The following FMNL2 variants were observed in gnomAD, a reference collection of about 807,000 sequenced individuals.
FMNL2 encodes the protein formin-like protein 2.
A neutral mutation model predicts 130.2 loss-of-function variants in FMNL2; 51 were observed. That is an observed-to-expected ratio of 0.39 (90% CI 0.31 to 0.49). FMNL2 has a LOEUF of 0.49. Among genes scored for constraint, FMNL2 ranks in the 20% least tolerant of loss-of-function variants. FMNL2 has a pLI of 0.85. For missense variants in FMNL2, 977 were observed against 1,316.2 expected (o/e 0.74, Z 3.99); for synonymous variants, 465 against 467.1 (o/e 1.00, Z 0.06).
chr2:152,406,903 G>A (rs1043098020), intron 1 of FMNL2, among the ~76,000 whole-genome samples: 1 of 152,180 alleles, frequency 6.6e-6, no homozygotes, highest in African/African-American at 2.4e-5. Context: ...GGTATTGAAT[G>A]TGATGAACTG....
chr2:152,375,871 C>CTA lies in FMNL2; in HGVS notation c.117+40152_117+40153insAT, dbSNP rs1296121653. On this transcript the variant is annotated intron_variant, in intron 1 of 25. Coordinates refer to ENST00000288670, the MANE Select transcript of FMNL2 (RefSeq NM_052905.4). Reference sequence around the variant, plus strand: ...TGAAGCTCTCTCTCTCTCTCTCTCTCTCTCTCTATATATATATATATATAT... The same window carrying CTA: ...TGAAGCTCTCTCTCTCTCTCTCTCTCTATCTCTCTATATATATATATATATAT... 7.6e-3 allele frequency among the ~76,000 whole-genome samples: 874 copies of CTA among 114,476 alleles called. 5 individuals carry two copies. Among genetic ancestry groups the CTA allele is most frequent in the African/African-American group, 0.022 (659 of 30,518 alleles). The allele number at this position is 114,476 out of a possible 152,430, so 75.1% of individuals were successfully genotyped here.
intron 9 of FMNL2, among the ~76,000 whole-genome samples, chr2:152,593,860 A>AGAGAGAGAGT (rs1365489869): frequency 4.4e-5 from 5 of 113,292 alleles, no homozygotes; most frequent in Admixed American, 1.1e-4. Flanking sequence ...AGAGAGAGAG[A>AGAGAGAGAGT]GTGTGTGTGT....
At chr2:152,537,667 C>A (rs1262172725) in intron 2 of FMNL2, among the ~76,000 whole-genome samples, 1 of 152,066 alleles carries the variant, frequency 6.6e-6, no homozygotes, top group Non-Finnish European at 1.5e-5. Context: ...AAGTTTAATT[C>A]TTTGAACATT....
rs1478011081 is a variant in FMNL2 at position 152,463,466 on chromosome 2, C to G, written c.118-58477C>G. On this transcript the variant is annotated intron_variant, in intron 1 of 25. Transcript: ENST00000288670. ...TTCAAAGCCTATGGTATTATCTGCT[C>G]CAGAGAACTAAATCATACCCTTGTG... Among the ~76,000 whole-genome samples the G allele has an allele frequency of 1.0e-3, 159 of 152,234 alleles. 4 individuals are homozygous for G. The highest frequency in any genetic ancestry group is 5.9e-5 in the Non-Finnish European group (4 of 68,014).
chr2:152,346,394 C>G (rs1474687822), intron 1 of FMNL2, among the ~76,000 whole-genome samples: 2 of 152,184 alleles, frequency 1.3e-5, no homozygotes, highest in East Asian at 3.9e-4. Context: ...ATCTGTAATT[C>G]CAGTGCTTTG....
chr2:152,418,230 A>G (rs762081583), intron 1 of FMNL2, among the ~76,000 whole-genome samples: 1 of 152,142 alleles, frequency 6.6e-6, no homozygotes. Flanking sequence ...TTGCATTTAC[A>G]TGGTGATTTT....
rs369767976 is a variant in FMNL2 at position 152,622,970 on chromosome 2, G to A, written c.1838-2468G>A. ...GGGAGCACTCACCCGCCTTTAGCCCGAGCCATGGGGACACAGTGTGTCCAG... is the reference window on the plus strand; with the variant it reads ...GGGAGCACTCACCCGCCTTTAGCCCAAGCCATGGGGACACAGTGTGTCCAG... On this transcript the variant is annotated intron_variant, in intron 15 of 25. Transcript: ENST00000288670. 4.6e-5 allele frequency among the ~76,000 whole-genome samples: 7 copies of A among 152,084 alleles called. No individual in the cohort carries two copies. The East Asian group carries it at 5.8e-4, about 13-fold the overall frequency.
chr2:152,517,333 T>A (rs1391342276), intron 1 of FMNL2, among the ~76,000 whole-genome samples: 1 of 152,196 alleles, frequency 6.6e-6, no homozygotes, highest in African/African-American at 2.4e-5. Context: ...TATGGCTGAT[T>A]TTGTTTGCTC....
chr2:152,602,457 G>T (rs1037439079), intron 9 of FMNL2, among the ~76,000 whole-genome samples: 4 of 152,188 alleles, frequency 2.6e-5, no homozygotes, highest in African/African-American at 9.7e-5. Flanking sequence ...GGGCAGTCCA[G>T]TGCACAGAAG....
At chr2:152,460,166 T>G (rs1227369465) in intron 1 of FMNL2, among the ~76,000 whole-genome samples, 1 of 152,210 alleles carries the variant, frequency 6.6e-6, no homozygotes, top group Non-Finnish European at 1.5e-5. Flanking sequence ...AGTGGGCATA[T>G]TATGTTCATT....
chr2:152,483,460 T>C (rs901315600), intron 1 of FMNL2, among the ~76,000 whole-genome samples: 6 of 152,194 alleles, frequency 3.9e-5, no homozygotes, highest in African/African-American at 1.4e-4. Flanking sequence ...CTAACTACAA[T>C]TGGATTCTGT....
intron 1 of FMNL2, among the ~76,000 whole-genome samples, chr2:152,454,101 C>T (rs187967688): frequency 6.6e-6 from 1 of 151,720 alleles, no homozygotes; most frequent in Admixed American, 6.6e-5. Context: ...TGGTGAAACC[C>T]TGTCTCTGCT....
intron 1 of FMNL2, among the ~76,000 whole-genome samples, chr2:152,380,079 A>G (rs1684380107): frequency 6.6e-6 from 1 of 152,206 alleles, no homozygotes; most frequent in Non-Finnish European, 1.5e-5. Context: ...GATACTAGTC[A>G]TTCTCTACTG....
At chr2:152,518,627 C>A (rs1224727100) in intron 1 of FMNL2, among the ~76,000 whole-genome samples, 3 of 152,158 alleles carry the variant, frequency 2.0e-5, no homozygotes, top group Non-Finnish European at 4.4e-5. Context: ...TAACTGTACC[C>A]CATTCACTTA....
At chr2:152,581,547 C>CT (rs1177205308) in intron 9 of FMNL2, among the ~76,000 whole-genome samples, 1 of 152,196 alleles carries the variant, frequency 6.6e-6, no homozygotes, top group East Asian at 1.9e-4. Context: ...GAAACGGAGA[C>CT]TGTCTGACCA....
intron 24 of FMNL2, among the ~76,000 whole-genome samples, chr2:152,640,350 T>G (rs556942704): frequency 6.6e-6 from 1 of 152,324 alleles, no homozygotes; most frequent in Non-Finnish European, 1.5e-5. Context: ...GGGCTTAGCA[T>G]CCAGAGAAGG....
chr2:152,575,126 T>C lies in FMNL2; in HGVS notation c.597-10T>C. The C allele has an allele frequency of 6.5e-7, 1 of 1,540,088 alleles. No individual in the cohort carries two copies. The highest frequency in any genetic ancestry group is 8.9e-7 in the Non-Finnish European group (1 of 1,124,582). ...TGTTGTTTTATAGAAGTTTCTCTTT[T>C]TGTTTGTAGATATAATACATTGCCA... is the stretch of plus-strand genomic sequence containing the variant. On this transcript the variant is annotated splice_polypyrimidine_tract_variant and intron_variant, in intron 6 of 25. Coordinates refer to ENST00000288670, the MANE Select transcript of FMNL2 (RefSeq NM_052905.4).
intron 2 of FMNL2, among the ~76,000 whole-genome samples, chr2:152,529,853 A>G (rs1693594522): frequency 6.6e-6 from 1 of 152,190 alleles, no homozygotes. Flanking sequence ...GCTTGATAGA[A>G]ATACTCTGTC....
chr2:152,355,928 C>T (rs978830294), intron 1 of FMNL2, among the ~76,000 whole-genome samples: 6 of 152,212 alleles, frequency 3.9e-5, no homozygotes, highest in Non-Finnish European at 8.8e-5. Flanking sequence ...AGTCCAAGCT[C>T]GTTCTCTCCT....
Sources: gnomAD v4.1 joint callset for allele counts (sites outside exome capture counted in the v4.1 genomes callset) on GRCh38, gnomAD v4.1.1 for gene constraint, MANE v1.5 for transcripts, NCBI Gene and HGNC (gene_info 2026-07-23, HGNC 2026-07-21) for gene names.